SLC16A3: variants seen among roughly 807,000 people sequenced by gnomAD.
SLC16A3 encodes the protein solute carrier family 16 member 3, also known as monocarboxylate transporter 4.
In SLC16A3, 22 loss-of-function variants were observed where a neutral mutation model predicts 25.0. The observed-to-expected ratio is 0.88, with a 90% CI of 0.63 to 1.26. The LOEUF (loss-of-function observed/expected upper bound fraction) is 1.26, where lower values mean the gene tolerates loss of function less well. Among genes scored for constraint, SLC16A3 ranks in the 50% most tolerant of loss-of-function variants. The pLI, the probability that SLC16A3 is intolerant of heterozygous loss-of-function variation, is 0.00. For missense variants in SLC16A3, 731 were observed against 666.6 expected (o/e 1.10, Z -1.06); for synonymous variants, 390 against 309.2 (o/e 1.26, Z -2.74).
At chr17:82,234,705 C>T (rs1029380875) in intron 1 of SLC16A3, 1 of 152,460 alleles carries the variant, frequency 6.6e-6, no homozygotes, top group East Asian at 1.9e-4. Flanking sequence ...TGCTCAGACT[C>T]TCCCAGCAAA....
upstream of SLC16A3, among the ~76,000 whole-genome samples, chr17:82,226,246 G>A (rs1048304224): frequency 6.6e-6 from 1 of 152,086 alleles, no homozygotes; most frequent in Non-Finnish European, 1.5e-5. Context: ...GTCAGAGGGG[G>A]GCGTCCTGTG....
rs148708972 is a variant in SLC16A3, at chr17:82,233,128, C to T, written c.-26-2855C>T. Among the ~76,000 whole-genome samples the T allele has an allele frequency of 2.6e-3, 403 of 152,280 alleles. 2 individuals are homozygous for T. Among genetic ancestry groups the T allele is most frequent in the African/African-American group, 9.1e-3 (379 of 41,550 alleles). On this transcript the variant is annotated intron_variant, in intron 1 of 4. Coordinates refer to ENST00000582743, the MANE Select transcript of SLC16A3 (RefSeq NM_004207.4). ...GGGCCATTATTTTGTGCCCCTTCCC[C>T]GTACTCTACCTCCTGTGGAATCCCT...
Position 82,220,983 on chromosome 17 carries a change from C to T in SLC16A3, c.-27+2799C>T, listed in dbSNP as rs144114700. Among the ~76,000 whole-genome samples, 7 of 152,066 alleles carry T rather than the reference C, an allele frequency of 4.6e-5. No individual in the cohort carries two copies. In the East Asian group the frequency reaches 7.8e-4, roughly 17 times the overall value. On this transcript the variant is annotated intron_variant, in intron 1 of 4. Transcript: ENST00000580098. ...GGATTACAAGCATGCACCACCACAC[C>T]GGGCTAATTTTTGTATTTTTAGTAG...
At chr17:82,222,481 C>T (rs993326425) in intron 1 of SLC16A3, among the ~76,000 whole-genome samples, 4 of 152,184 alleles carry the variant, frequency 2.6e-5, no homozygotes, top group Non-Finnish European at 5.9e-5. Context: ...GTGGTCCATC[C>T]ACATGAGGAA....
upstream of SLC16A3, chr17:82,228,342 G>A (rs2050440921): frequency 6.6e-6 from 1 of 152,416 alleles, no homozygotes; most frequent in East Asian, 1.9e-4. Flanking sequence ...GGCCGCGAGA[G>A]GGGCGGGGCA....
intron 1 of SLC16A3, chr17:82,232,485 T>C (rs1017717001): frequency 6.6e-6 from 1 of 152,378 alleles, no homozygotes; most frequent in Non-Finnish European, 1.5e-5. Context: ...GGGGTCAGGT[T>C]CAGGACCCTC....
At position 82,220,264 on chromosome 17, in the gene SLC16A3, G is replaced by T. The variant is rs73999806; in HGVS notation, c.-27+2080G>T. ...CCAGGAGAGCTGCCTCCTGCTCCAT[G>T]TCTACCACTGAGGCCTCCAGCTGAT... On this transcript the variant is annotated intron_variant, in intron 1 of 4. Coordinates refer to the SLC16A3 transcript ENST00000580098. Among the ~76,000 whole-genome samples the T allele has an allele frequency of 3.5e-3, 534 of 152,300 alleles. 1 individual carries two copies. Among genetic ancestry groups the T allele is most frequent in the African/African-American group, 0.012 (512 of 41,566 alleles).
At chr17:82,236,417 G>T (rs752472809) in intron 2 of SLC16A3, 186 bp downstream of exon 2, 2 of 655,390 alleles carry the variant, frequency 3.1e-6, no homozygotes, top group African/African-American at 1.8e-5. Context: ...CAGGCAGGGC[G>T]CGAAGTCCAT....
chr17:82,237,895 T>C lies in SLC16A3; in HGVS notation c.1123+2T>C, dbSNP rs1220583311. On this transcript the variant is annotated splice_donor_variant, in intron 4 of 4. Transcript: ENST00000582743. LOFTEE classifies it high-confidence loss of function. ...TGCTCGTCGGGCCCCCTTCGGGAGGTGAGCGCTGCGCCCCCAGGCAGTTCC... is the reference window on the plus strand; with the variant it reads ...TGCTCGTCGGGCCCCCTTCGGGAGGCGAGCGCTGCGCCCCCAGGCAGTTCC... The C allele has an allele frequency of 1.3e-6, 2 of 1,596,676 alleles. No homozygotes were observed. Among genetic ancestry groups the C allele is most frequent in the African/African-American group, 2.7e-5 (2 of 74,770 alleles).
chr17:82,234,061 C>G (rs571523302), intron 1 of SLC16A3: 8 of 152,248 alleles, frequency 5.3e-5, no homozygotes, highest in East Asian at 3.9e-4. Flanking sequence ...AGGATGGTCT[C>G]GATCTCCTGA....
At position 82,237,888 on chromosome 17, in the gene SLC16A3, C is replaced by T. The variant is rs760865810; in HGVS notation, c.1118C>T (p.Ser373Leu). ...GTGGCCGTGCTCGTCGGGCCCCCTT[C>T]GGGAGGTGAGCGCTGCGCCCCCAGG... Reference protein sequence around the residue: ...EAVAVLVGPPSGGKLLDATHV... With the variant: ...EAVAVLVGPPLGGKLLDATHV... Residue 373 changes from serine to leucine, a missense_variant, in exon 4 of 5, where the codon TCG becomes TTG. Coordinates refer to ENST00000582743, the MANE Select transcript of SLC16A3 (RefSeq NM_004207.4). 1.0e-5 allele frequency: 16 copies of T among 1,598,224 alleles called. No homozygotes were observed. The highest frequency in any genetic ancestry group is 3.3e-5 in the South Asian group (3 of 91,020).
chr17:82,229,620 G>C (rs918204892), intron 1 of SLC16A3: 3 of 152,316 alleles, frequency 2.0e-5, no homozygotes, highest in Admixed American at 1.3e-4. Flanking sequence ...CTTGGGCAAT[G>C]ACTAACAGCC....
upstream of SLC16A3, among the ~76,000 whole-genome samples, chr17:82,227,205 G>A (rs955241310): frequency 6.6e-6 from 1 of 152,172 alleles, no homozygotes; most frequent in East Asian, 1.9e-4. Flanking sequence ...CCAGCTGGGA[G>A]AAAACCTGGC....
chr17:82,237,939 T>G, intron 4 of SLC16A3, 46 bp downstream of exon 4: 1 of 1,574,972 alleles, frequency 6.3e-7, no homozygotes, highest in Non-Finnish European at 8.6e-7. Flanking sequence ...GCCCTTCCCG[T>G]CAGACGCCCG....
Position 82,238,940 on chromosome 17 carries a change from CGG to C in SLC16A3, c.1365_1366del (p.Glu456GlyfsTer183). ...TCCTGAAGGCTGAGCCTGAGAAAAA[CGG>C]GGAGGTGGTTCACACCCCGGAAACA... ...HFLKAEPEKN[G>X]EVVHTPETSV On this transcript the variant is annotated frameshift_variant, in exon 5 of 5. Coordinates refer to ENST00000582743, the MANE Select transcript of SLC16A3 (RefSeq NM_004207.4). LOFTEE classifies it high-confidence loss of function. The C allele has an allele frequency of 6.4e-7, 1 of 1,564,040 alleles. No individual in the cohort carries two copies. Among genetic ancestry groups the C allele is most frequent in the South Asian group, 1.2e-5 (1 of 85,090 alleles).
Position 82,239,848 on chromosome 17 carries a change from T to A in SLC16A3, c.*872T>A, listed in dbSNP as rs2050715549. 1 of 492,874 alleles carries A rather than the reference T, an allele frequency of 2.0e-6. No individual in the cohort carries two copies. The highest frequency in any genetic ancestry group is 1.1e-4 in the South Asian group (1 of 9,066). The allele number at this position is 492,874 out of a possible 1,614,324, so 30.5% of individuals were successfully genotyped here. A position where few individuals can be genotyped will look rare whatever the true frequency, so the allele number is the denominator to read the frequency against. Reference sequence around the variant, plus strand: ...GTGTGGTCAGTGCCCAGGGCTGGTCTTTGCACCCTGTCCTCCATCCAGCCC... The same window carrying A: ...GTGTGGTCAGTGCCCAGGGCTGGTCATTGCACCCTGTCCTCCATCCAGCCC... On this transcript the variant is annotated 3_prime_UTR_variant, in exon 5 of 5. Coordinates refer to ENST00000582743, the MANE Select transcript of SLC16A3 (RefSeq NM_004207.4).
chr17:82,236,272 G>A (rs767736429), intron 2 of SLC16A3, 41 bp downstream of exon 2: 2 of 1,575,026 alleles, frequency 1.3e-6, no homozygotes, highest in Non-Finnish European at 1.7e-6. Flanking sequence ...CCGGGGCTCT[G>A]CTGGCGGATC....
intron 1 of SLC16A3, chr17:82,229,653 G>C (rs1456646161): frequency 6.6e-6 from 1 of 152,306 alleles, no homozygotes. Context: ...GGGAAGTGGG[G>C]GACCCTCTCC....
At chr17:82,225,632 C>G (rs1483003158), upstream of SLC16A3, among the ~76,000 whole-genome samples, 1 of 152,200 alleles carries the variant, frequency 6.6e-6, no homozygotes. Context: ...CCCCGTGACT[C>G]GGCTTTCTTC....
Sources: gnomAD v4.1 joint callset for allele counts (sites outside exome capture counted in the v4.1 genomes callset) on GRCh38, gnomAD v4.1.1 for gene constraint, MANE v1.5 for transcripts, NCBI Gene and HGNC (gene_info 2026-07-23, HGNC 2026-07-21) for gene names.